GCNT1: variants seen among roughly 807,000 people sequenced by gnomAD.
The protein encoded by GCNT1 is glucosaminyl (N-acetyl) transferase 1.
A neutral mutation model predicts 26.2 loss-of-function variants in GCNT1; 16 were observed. That is an observed-to-expected ratio of 0.61 (90% CI 0.41 to 0.93). The LOEUF (loss-of-function observed/expected upper bound fraction) is 0.93. GCNT1 is among the 40% of genes least tolerant of loss of function. The pLI is 0.00. For synonymous variants in GCNT1, 183 were observed against 190.8 expected (o/e 0.96, Z 0.34); for missense variants, 477 against 526.7 (o/e 0.91, Z 0.92).
chr9:76,454,281 C>T (rs922682265), upstream of GCNT1, among the ~76,000 whole-genome samples: 2 of 144,636 alleles, frequency 1.4e-5, no homozygotes, highest in African/African-American at 5.1e-5. Flanking sequence ...GAGGCTGAGG[C>T]AGAAGAATCG....
upstream of GCNT1, among the ~76,000 whole-genome samples, chr9:76,416,328 T>C (rs1823132613): frequency 6.6e-6 from 1 of 152,178 alleles, no homozygotes; most frequent in South Asian, 2.1e-4. Context: ...GTAAAACCTC[T>C]GCATTCACCA....
chr9:76,429,715 C>CTT (rs59977325), intron 1 of GCNT1, among the ~76,000 whole-genome samples: 9 of 107,098 alleles, frequency 8.4e-5, no homozygotes, highest in Admixed American at 2.8e-4. Context: ...TGTTTTCTTT[C>CTT]TTTTTTTTTT....
intron 1 of GCNT1, among the ~76,000 whole-genome samples, chr9:76,431,245 G>T (rs1195339513): frequency 6.6e-6 from 1 of 152,130 alleles, no homozygotes. Flanking sequence ...GTTAGCATCA[G>T]ACTCCACAAG....
At chr9:76,399,212 G>T in the GCNT1 span, 1 of 1,493,336 alleles carries the variant, frequency 6.7e-7, no homozygotes, top group Non-Finnish European at 9.2e-7. Context: ...TCACTCAGTG[G>T]GTTTGATGTG....
At chr9:76,409,849 G>A in the GCNT1 span, among the ~76,000 whole-genome samples, 6 of 152,024 alleles carry the variant, frequency 3.9e-5, no homozygotes, top group African/African-American at 1.4e-4. Context: ...TGGAAGCTTA[G>A]ATGACTGATT....
intron 1 of GCNT1, among the ~76,000 whole-genome samples, chr9:76,429,051 G>T (rs915073153): frequency 3.3e-5 from 5 of 152,068 alleles, no homozygotes; most frequent in African/African-American, 1.2e-4. Context: ...ACATGTGCAG[G>T]TTTGTTCTTA....
intron 1 of GCNT1, among the ~76,000 whole-genome samples, chr9:76,425,476 G>C (rs970284412): frequency 1.3e-5 from 2 of 151,990 alleles, no homozygotes; most frequent in Non-Finnish European, 2.9e-5. Context: ...ACCCACCTCG[G>C]CCTCCCAAAG....
chr9:76,499,559 C>T (rs551057665), intron 2 of GCNT1, among the ~76,000 whole-genome samples: 1 of 152,170 alleles, frequency 6.6e-6, no homozygotes, highest in Non-Finnish European at 1.5e-5. Context: ...AATCCTTTGT[C>T]CTTGTCTTTC....
At chr9:76,398,064 A>G in the GCNT1 span, among the ~76,000 whole-genome samples, 1 of 152,188 alleles carries the variant, frequency 6.6e-6, no homozygotes, top group Non-Finnish European at 1.5e-5. Flanking sequence ...TCCCCCTCTG[A>G]ACTGCACTTG....
intron 1 of GCNT1, among the ~76,000 whole-genome samples, chr9:76,446,340 C>T (rs1016075535): frequency 6.6e-6 from 1 of 152,140 alleles, no homozygotes; most frequent in East Asian, 1.9e-4. Context: ...GGAGCCAGCA[C>T]ACAGCACCCA....
rs539128019 is a variant in GCNT1, at chr9:76,502,930, G to C, written c.549G>C (p.Glu183Asp). 1.9e-6 allele frequency: 3 copies of C among 1,613,346 alleles called. No homozygotes were observed. The highest frequency in any genetic ancestry group is 2.2e-5 in the South Asian group (2 of 91,084). The change falls in exon 4 of 4, where the codon GAG becomes GAC. Residue 183 changes from glutamate (E) to aspartate (D), a missense_variant. Coordinates refer to ENST00000376730, the MANE Select transcript of GCNT1 (RefSeq NM_001490.5). Reference protein sequence around the residue: ...FSNVFVASRLESVVYASWSRV... With the variant: ...FSNVFVASRLDSVVYASWSRV... Reference sequence around the variant, plus strand: ...ATGTCTTTGTGGCCAGCCGATTGGAGAGTGTGGTTTATGCATCGTGGAGCC... The same window carrying C: ...ATGTCTTTGTGGCCAGCCGATTGGACAGTGTGGTTTATGCATCGTGGAGCC...
chr9:76,452,143 A>C (rs1823678337), intron 1 of GCNT1, among the ~76,000 whole-genome samples: 2 of 151,490 alleles, frequency 1.3e-5, no homozygotes, highest in South Asian at 4.2e-4. Context: ...TAATTTTTGT[A>C]TTTTTAGTAC....
At chr9:76,413,070 A>G in the GCNT1 span, among the ~76,000 whole-genome samples, 10 of 152,180 alleles carry the variant, frequency 6.6e-5, no homozygotes, top group African/African-American at 2.4e-4. Flanking sequence ...TGTTGGCCCC[A>G]TGGGGCATGC....
intron 2 of GCNT1, among the ~76,000 whole-genome samples, chr9:76,462,315 T>C (rs1823889999): frequency 6.6e-6 from 1 of 152,248 alleles, no homozygotes; most frequent in South Asian, 2.1e-4. Flanking sequence ...TTGTGGAGAC[T>C]GTCTGTATTC....
Position 76,472,762 on chromosome 9 carries a change from TTTTTGAGATG to T in GCNT1, c.-290+12586_-290+12595del, listed in dbSNP as rs1465377290. Reference sequence around the variant, plus strand: ...TTCTTTTCTTTTCTTTTTTTTTTTTTTTTTGAGATGGAGTCTCGCTCTGTCACCCAGGCTG... The same window carrying T: ...TTCTTTTCTTTTCTTTTTTTTTTTTTGAGTCTCGCTCTGTCACCCAGGCTG... On this transcript the variant is annotated intron_variant, in intron 2 of 3. Transcript: ENST00000376730. Among the ~76,000 whole-genome samples, 884 of 139,042 alleles carry T rather than the reference TTTTTGAGATG, an allele frequency of 6.4e-3. 8 individuals are homozygous for T. Among genetic ancestry groups the T allele is most frequent in the African/African-American group, 0.023 (836 of 36,914 alleles). The allele number at this position is 139,042 out of a possible 152,430, so 91.2% of individuals were successfully genotyped here. A position where few individuals can be genotyped will look rare whatever the true frequency, so the allele number is the denominator to read the frequency against.
At chr9:76,493,243 AG>A (rs35982413) in intron 2 of GCNT1, among the ~76,000 whole-genome samples, 1 of 151,244 alleles carries the variant, frequency 6.6e-6, no homozygotes, top group African/African-American at 2.4e-5. Flanking sequence ...GGATCCATAC[AG>A]GGGATGGCTT....
At chr9:76,484,929 C>T (rs1416139868) in intron 2 of GCNT1, among the ~76,000 whole-genome samples, 4 of 151,544 alleles carry the variant, frequency 2.6e-5, no homozygotes, top group East Asian at 2.0e-4. Context: ...GCTGGGACTA[C>T]AGACTCGTGC....
rs551928869 is a variant in GCNT1 at position 76,459,285 on chromosome 9, G to A, written c.-428G>A. 1 of 152,484 alleles carries A rather than the reference G, an allele frequency of 6.6e-6. No homozygotes were observed. The highest frequency in any genetic ancestry group is 1.5e-5 in the Non-Finnish European group (1 of 68,258). 9.4% of individuals were successfully genotyped at this position (152,484 alleles called of 1,614,324 possible). A position where few individuals can be genotyped will look rare whatever the true frequency, so the allele number is the denominator to read the frequency against. On this transcript the variant is annotated 5_prime_UTR_variant, in exon 1 of 4. Transcript: ENST00000376730. ...CGGCTGGGCATCCTCCTGAGACTCC[G>A]GGGTCAGACGCCCACTCCAGGTAAC...
the GCNT1 span, among the ~76,000 whole-genome samples, chr9:76,400,224 T>C: frequency 3.9e-5 from 6 of 152,338 alleles, no homozygotes; most frequent in East Asian, 1.2e-3. Context: ...AACCTAAAAC[T>C]GCTCTAAAAA....
Sources: allele counts gnomAD v4.1 joint callset (sites outside exome capture counted in the v4.1 genomes callset), GRCh38; gene constraint gnomAD v4.1.1; transcripts MANE v1.5; gene names NCBI Gene and HGNC (gene_info 2026-07-23, HGNC 2026-07-21).